Variants in SLC43A1 observed in about 807,000 individuals in gnomAD.
SLC43A1 encodes solute carrier family 43 member 1.
Under a neutral mutation model 59.5 loss-of-function variants are expected in SLC43A1, and 31 were observed. The ratio of observed to expected loss-of-function variants is 0.52; its 90% CI spans 0.39 to 0.70. The LOEUF (loss-of-function observed/expected upper bound fraction) is 0.70. Ranked by LOEUF, SLC43A1 falls within the 30% of genes least tolerant of loss-of-function variation. The pLI, the probability that SLC43A1 is intolerant of heterozygous loss-of-function variation, is 0.00. For synonymous variants in SLC43A1, 259 were observed against 290.9 expected (o/e 0.89, Z 1.12); for missense variants, 598 against 717.8 (o/e 0.83, Z 1.91).
intron 2 of SLC43A1, among the ~76,000 whole-genome samples, chr11:57,509,721 AGAAGGAAG>A (rs59036724): frequency 4.5e-5 from 6 of 133,740 alleles, no homozygotes; most frequent in Middle Eastern, 3.9e-3. Context: ...AGGGAGGGAA[AGAAGGAAG>A]GAAGGAAGGA....
intron 7 of SLC43A1, among the ~76,000 whole-genome samples, chr11:57,495,050 G>T (rs113104586): frequency 1.3e-5 from 2 of 151,898 alleles, no homozygotes; most frequent in African/African-American, 4.8e-5. Context: ...GTTTCTCCAT[G>T]TTGGTCAGGC....
chr11:57,492,560 AT>A (rs1943953738), intron 8 of SLC43A1, among the ~76,000 whole-genome samples: 5 of 64,812 alleles, frequency 7.7e-5, no homozygotes, highest in Non-Finnish European at 8.2e-5. Flanking sequence ...ATATATATAT[AT>A]ATATATATAT....
At chr11:57,510,457 C>CAAAAAAAAA (rs61412196) in intron 2 of SLC43A1, among the ~76,000 whole-genome samples, 1 of 25,776 alleles carries the variant, frequency 3.9e-5, no homozygotes. Flanking sequence ...GACTCCATCT[C>CAAAAAAAAA]AAAAAAAAAA....
chr11:57,515,533 A>G lies in SLC43A1; in HGVS notation c.-103T>C, dbSNP rs1173153956. ...GGCGCGTCCGGAGTCCCGTGGGCCC[A>G]GCCCTGAGCCGCGCCGGCGCTGGGG... On this transcript the variant is annotated 5_prime_UTR_variant, in exon 1 of 15. Transcript: ENST00000278426. The surrounding 1 kb of genome is among the most constrained non-coding windows in gnomAD (Gnocchi z 5.3). 2 of 152,194 alleles carry G rather than the reference A, an allele frequency of 1.3e-5. No homozygotes were observed. Among genetic ancestry groups the G allele is most frequent in the Non-Finnish European group, 2.9e-5 (2 of 68,034 alleles). 9.4% of individuals were successfully genotyped at this position (152,194 alleles called of 1,614,324 possible).
chr11:57,495,566 C>T (rs908520187), intron 7 of SLC43A1, among the ~76,000 whole-genome samples: 4 of 152,148 alleles, frequency 2.6e-5, no homozygotes, highest in Admixed American at 2.6e-4. Context: ...GTGGCTCACG[C>T]CTGTAATCGG....
At chr11:57,510,762 G>T (rs1008764889) in intron 2 of SLC43A1, among the ~76,000 whole-genome samples, 3 of 152,072 alleles carry the variant, frequency 2.0e-5, no homozygotes, top group African/African-American at 4.8e-5. Flanking sequence ...GGAGGCCGAG[G>T]GGGGTGGATC....
intron 14 of SLC43A1, among the ~76,000 whole-genome samples, chr11:57,485,867 TA>T (rs930325009): frequency 1.4e-4 from 22 of 152,220 alleles, no homozygotes; most frequent in Non-Finnish European, 2.9e-4. Context: ...GAGTGCTTGG[TA>T]AATAGAAGCA....
At position 57,495,740 on chromosome 11, in the gene SLC43A1, CTTGAGCCCAGCAGTT is replaced by C. The variant is rs1343011598; in HGVS notation, c.692+276_692+290del. On this transcript the variant is annotated intron_variant, in intron 7 of 14. Coordinates refer to ENST00000278426, the MANE Select transcript of SLC43A1 (RefSeq NM_003627.6). ...CTCGGGAGGCAGAGGGAGAGGTTCG[CTTGAGCCCAGCAGTT>C]TTAGGTTGCAGTGAGCCAGGACCAA... Among the ~76,000 whole-genome samples, 4 of 152,232 alleles carry C rather than the reference CTTGAGCCCAGCAGTT, an allele frequency of 2.6e-5. No homozygotes were observed. In the East Asian group the frequency reaches 7.8e-4, roughly 30 times the overall value.
Position 57,496,924 on chromosome 11 carries a change from C to T in SLC43A1, c.559-760G>A, listed in dbSNP as rs75546263. ...GCAGTCTTGGACCTTGGTGCCTTTTCCTCCCTAGGGGCAGGACAGAGCTTC... is the reference window on the plus strand; with the variant it reads ...GCAGTCTTGGACCTTGGTGCCTTTTTCTCCCTAGGGGCAGGACAGAGCTTC... On this transcript the variant is annotated intron_variant, in intron 6 of 14. Coordinates refer to ENST00000278426, the MANE Select transcript of SLC43A1 (RefSeq NM_003627.6). Among the ~76,000 whole-genome samples the T allele has an allele frequency of 5.1e-3, 770 of 152,270 alleles. 2 individuals carry two copies. Among genetic ancestry groups the T allele is most frequent in the Non-Finnish European group, 7.2e-3 (487 of 68,012 alleles).
At chr11:57,497,887 A>ACCCTTGC in intron 5 of SLC43A1, 42 bp from the exon 6 acceptor site, 1 of 1,504,494 alleles carries the variant, frequency 6.6e-7, no homozygotes, top group Non-Finnish European at 9.2e-7. Flanking sequence ...GGACACCGTG[A>ACCCTTGC]CCCTTGCCCA....
At chr11:57,491,681 G>A (rs1159845193) in intron 9 of SLC43A1, 35 bp downstream of exon 9, 2 of 1,614,186 alleles carry the variant, frequency 1.2e-6, no homozygotes, top group Non-Finnish European at 1.7e-6. Context: ...ACCCGCCTGT[G>A]CCCCCAACCC....
chr11:57,493,261 G>A (rs1419469527), intron 8 of SLC43A1, among the ~76,000 whole-genome samples: 2 of 152,182 alleles, frequency 1.3e-5, no homozygotes, highest in Non-Finnish European at 2.9e-5. Context: ...CCTTAGCCAT[G>A]TTGCCCTCTG....
At chr11:57,500,909 G>A in intron 4 of SLC43A1, 54 bp from the exon 5 acceptor site, 1 of 1,607,378 alleles carries the variant, frequency 6.2e-7, no homozygotes, top group South Asian at 1.1e-5. Flanking sequence ...GGGAAGCCAA[G>A]GGCGGGAGCT....
chr11:57,492,011 A>C lies in SLC43A1; in HGVS notation c.872-149T>G, dbSNP rs774714563. 8 of 763,468 alleles carry C rather than the reference A, an allele frequency of 1.0e-5. No homozygotes were observed. In the South Asian group the frequency reaches 1.5e-4, roughly 14 times the overall value. 47.3% of individuals were successfully genotyped at this position (763,468 alleles called of 1,614,324 possible). On this transcript the variant is annotated intron_variant, in intron 8 of 14. Coordinates refer to ENST00000278426, the MANE Select transcript of SLC43A1 (RefSeq NM_003627.6). Reference sequence around the variant, plus strand: ...TTCAAAGACGGGAAAGTTCAGATTCACTTGCCTCCAGGCTCTTGCTCAGCT... The same window carrying C: ...TTCAAAGACGGGAAAGTTCAGATTCCCTTGCCTCCAGGCTCTTGCTCAGCT...
intron 8 of SLC43A1, among the ~76,000 whole-genome samples, chr11:57,492,078 AAAT>A (rs1324889417): frequency 6.6e-6 from 1 of 152,030 alleles, no homozygotes; most frequent in Non-Finnish European, 1.5e-5. Context: ...CGTGTGGTAA[AAAT>A]AACTCAGTTA....
At chr11:57,502,841 T>C (rs1222825607) in intron 2 of SLC43A1, among the ~76,000 whole-genome samples, 1 of 141,018 alleles carries the variant, frequency 7.1e-6, no homozygotes, top group African/African-American at 2.7e-5. Context: ...ACCATTGCAC[T>C]CCAGTCTGGG....
chr11:57,512,027 GTTAAA>G (rs1481198725), intron 2 of SLC43A1, among the ~76,000 whole-genome samples: 1 of 152,122 alleles, frequency 6.6e-6, no homozygotes, highest in African/African-American at 2.4e-5. Flanking sequence ...TACTAAAACT[GTTAAA>G]TTATATACTT....
At chr11:57,496,868 C>T (rs1255066647) in intron 6 of SLC43A1, among the ~76,000 whole-genome samples, 1 of 152,218 alleles carries the variant, frequency 6.6e-6, no homozygotes, top group Non-Finnish European at 1.5e-5. Context: ...GTCTGCTCTC[C>T]CCTCAGGCTC....
chr11:57,515,203 T>G lies in SLC43A1; in HGVS notation c.-14+241A>C. The G allele has an allele frequency of 7.5e-5, 22 of 293,112 alleles. No individual in the cohort carries two copies. Among genetic ancestry groups the G allele is most frequent in the South Asian group, 1.3e-4 (1 of 7,534 alleles). 18.2% of individuals were successfully genotyped at this position (293,112 alleles called of 1,614,324 possible). On this transcript the variant is annotated intron_variant, in intron 1 of 14. Coordinates refer to ENST00000278426, the MANE Select transcript of SLC43A1 (RefSeq NM_003627.6). This position sits in a 1 kb window ranked among gnomAD's most constrained non-coding sequence, Gnocchi z 5.3. Reference sequence around the variant, plus strand: ...TGGAACTCTGGCAAACGCGCAGCTCTAAGCAGAGGAAGTGCAGCGAGCGGG... The same window carrying G: ...TGGAACTCTGGCAAACGCGCAGCTCGAAGCAGAGGAAGTGCAGCGAGCGGG...
Sources: allele counts gnomAD v4.1 joint callset (sites outside exome capture counted in the v4.1 genomes callset), GRCh38; gene constraint gnomAD v4.1.1; non-coding constraint Gnocchi (gnomAD v3.1); transcripts MANE v1.5; gene names NCBI Gene and HGNC (gene_info 2026-07-23, HGNC 2026-07-21).